Variants in ECT2 observed in about 807,000 individuals in gnomAD.
ECT2 encodes epithelial cell transforming 2.
In ECT2, 61 loss-of-function variants were observed where a neutral mutation model predicts 116.9. The observed-to-expected ratio is 0.52, with a 90% CI of 0.42 to 0.65. The LOEUF is 0.65. Among genes scored for constraint, ECT2 ranks in the 30% least tolerant of loss-of-function variants. ECT2 has a pLI of 0.00. For synonymous variants in ECT2, 358 were observed against 346.4 expected (o/e 1.03, Z -0.37); for missense variants, 937 against 1,078.7 (o/e 0.87, Z 1.84).
intron 18 of ECT2, among the ~76,000 whole-genome samples, chr3:172,791,420 G>T (rs1476155768): frequency 1.3e-5 from 2 of 152,154 alleles, no homozygotes; most frequent in Admixed American, 1.3e-4. Flanking sequence ...TCTACTGGAA[G>T]GCTGTTTTGT....
At chr3:172,806,306 G>A (rs1166278270) in intron 21 of ECT2, among the ~76,000 whole-genome samples, 1 of 152,178 alleles carries the variant, frequency 6.6e-6, no homozygotes. Flanking sequence ...AGGAATAGAT[G>A]TGGGTGCAAT....
chr3:172,757,864 T>C lies in ECT2; in HGVS notation c.486+699T>C, dbSNP rs80341345. 6.3e-3 allele frequency among the ~76,000 whole-genome samples: 965 copies of C among 152,194 alleles called. 9 individuals are homozygous for C. Among genetic ancestry groups the C allele is most frequent in the African/African-American group, 0.021 (892 of 41,548 alleles). ...TTATCAGTTACTGTATAACTTAAAA[T>C]TCAAAAATTATTTTAGCTTTTTGTA... is the stretch of plus-strand genomic sequence containing the variant. On this transcript the variant is annotated intron_variant, in intron 5 of 24. Coordinates refer to ENST00000392692, the MANE Select transcript of ECT2 (RefSeq NM_001258315.2).
At chr3:172,763,294 C>A (rs1179291258) in intron 11 of ECT2, among the ~76,000 whole-genome samples, 1 of 152,142 alleles carries the variant, frequency 6.6e-6, no homozygotes, top group African/African-American at 2.4e-5. Flanking sequence ...TGTGCCACAA[C>A]TGAGTAATGT....
rs1716792089 is a variant in ECT2, at chr3:172,755,478, C to T, written c.211-5C>T. ...TAACCTCATACTTAAGTCTCTTTTC[C>T]ACAGACTATTAAAATAATGGAAGTC... On this transcript the variant is annotated splice_region_variant and splice_polypyrimidine_tract_variant and intron_variant, in intron 3 of 24. Transcript: ENST00000392692. The T allele has an allele frequency of 6.7e-7, 1 of 1,497,134 alleles. No homozygotes were observed. Among genetic ancestry groups the T allele is most frequent in the African/African-American group, 1.4e-5 (1 of 70,398 alleles). The allele number at this position is 1,497,134 out of a possible 1,614,324, so 92.7% of individuals were successfully genotyped here.
Position 172,807,909 on chromosome 3 carries a change from T to G in ECT2, c.2385T>G (p.Ile795Met). ...TGTGTCGACATGTAGCTAACACCAT[T>G]TGTAAAGCAGATGCTGTAAGTTCTT... is the stretch of plus-strand genomic sequence containing the variant. Reference protein sequence around the residue: ...KMLCRHVANTICKADAENLIY... With the variant: ...KMLCRHVANTMCKADAENLIY... Residue 795 changes from isoleucine (I) to methionine (M), a missense_variant, in exon 22 of 25, where the codon ATT (isoleucine) becomes ATG (methionine). By Grantham distance (10) the Ile-to-Met change is conservative. Transcript: ENST00000392692. 1 of 1,613,206 alleles carries G rather than the reference T, an allele frequency of 6.2e-7. No individual in the cohort carries two copies. The highest frequency in any genetic ancestry group is 8.5e-7 in the Non-Finnish European group (1 of 1,179,566).
At chr3:172,782,319 G>A (rs1275985069) in intron 15 of ECT2, 88 bp downstream of exon 15, 64 of 652,782 alleles carry the variant, frequency 9.8e-5, no homozygotes, top group Non-Finnish European at 6.4e-5. Flanking sequence ...CTATTTAAAT[G>A]TGAGAGGTTT....
In ECT2 at chr3:172,820,242, T is replaced by G; in HGVS notation, c.*5T>G. 2 of 1,586,350 alleles carry G rather than the reference T, an allele frequency of 1.3e-6. No homozygotes were observed. Among genetic ancestry groups the G allele is most frequent in the Non-Finnish European group, 8.6e-7 (1 of 1,163,604 alleles). ...TCTACAACTCATTTGATATGAAGCG[T>G]TACCAAAATCTTAAATTATAGAAAT... is the stretch of plus-strand genomic sequence containing the variant. On this transcript the variant is annotated 3_prime_UTR_variant, in exon 25 of 25. Coordinates refer to ENST00000392692, the MANE Select transcript of ECT2 (RefSeq NM_001258315.2).
rs574658174 is a variant in ECT2, at chr3:172,772,342, G to A, written c.1429-1561G>A. 5.5e-4 allele frequency among the ~76,000 whole-genome samples: 83 copies of A among 152,144 alleles called. 1 individual carries two copies. The South Asian group carries it at 0.016, about 29-fold the overall frequency. ...CGAGTAGCTGGGACTACAGGCACCCGCCACCACGCCTGGCTAATTTTGTTT... is the reference window on the plus strand; with the variant it reads ...CGAGTAGCTGGGACTACAGGCACCCACCACCACGCCTGGCTAATTTTGTTT... On this transcript the variant is annotated intron_variant, in intron 13 of 24. Transcript: ENST00000392692.
At chr3:172,787,656 A>C (rs1723843760) in intron 18 of ECT2, among the ~76,000 whole-genome samples, 1 of 151,962 alleles carries the variant, frequency 6.6e-6, no homozygotes, top group Admixed American at 6.6e-5. Context: ...ATTCTCTGTA[A>C]TTTTTCAACA....
At position 172,783,806 on chromosome 3, in the gene ECT2, A is replaced by G. The variant is rs761111078; in HGVS notation, c.1625A>G (p.Asp542Gly). 1 of 1,590,428 alleles carries G rather than the reference A, an allele frequency of 6.3e-7. No individual in the cohort carries two copies. The highest frequency in any genetic ancestry group is 8.6e-7 in the Non-Finnish European group (1 of 1,162,816). ...TTTCCCTTTTCTTCCTAGTCAAAAG[A>G]TTTGGTAAAAACCTACCCTCCCTTT... ...IGDIFLKYSK[D>G]LVKTYPPFVN... The change falls in exon 16 of 25, where the codon GAT (aspartate) becomes GGT (glycine). Residue 542 changes from aspartate to glycine, a missense_variant. Physicochemically the swap from Asp to Gly is moderately conservative, Grantham distance 94 (BLOSUM62 -1). Transcript: ENST00000392692.
At chr3:172,807,503 A>G (rs959714524) in intron 21 of ECT2, among the ~76,000 whole-genome samples, 3 of 152,218 alleles carry the variant, frequency 2.0e-5, no homozygotes, top group African/African-American at 7.2e-5. Flanking sequence ...ATCATAGAAA[A>G]TATTAAATGA....
intron 1 of ECT2, among the ~76,000 whole-genome samples, chr3:172,753,714 T>A (rs1716391569): frequency 6.6e-6 from 1 of 152,198 alleles, no homozygotes; most frequent in South Asian, 2.1e-4. Context: ...ATGTAAATTA[T>A]GATTTGTGCC....
chr3:172,793,537 C>T (rs1725062912), intron 18 of ECT2, among the ~76,000 whole-genome samples: 1 of 152,090 alleles, frequency 6.6e-6, no homozygotes, highest in Non-Finnish European at 1.5e-5. Context: ...GATCTCTGCT[C>T]ACTGCAACCT....
intron 18 of ECT2, among the ~76,000 whole-genome samples, chr3:172,788,510 CTT>C (rs1169763257): frequency 2.6e-5 from 4 of 152,156 alleles, no homozygotes; most frequent in Admixed American, 6.5e-5. Context: ...TTGGTAATCT[CTT>C]TTTCTGGCCC....
chr3:172,809,599 GCA>G (rs796162646), intron 22 of ECT2, among the ~76,000 whole-genome samples: 32 of 126,490 alleles, frequency 2.5e-4, no homozygotes, highest in South Asian at 1.5e-3. Flanking sequence ...ACACACACAC[GCA>G]CACACACACG....
chr3:172,779,829 G>A (rs954437107), intron 14 of ECT2, among the ~76,000 whole-genome samples: 1 of 151,624 alleles, frequency 6.6e-6, no homozygotes, highest in Non-Finnish European at 1.5e-5. Flanking sequence ...TTGAGCTTGG[G>A]TGGTTGAGGC....
chr3:172,813,489 G>A (rs534652555), intron 22 of ECT2, among the ~76,000 whole-genome samples: 4 of 152,106 alleles, frequency 2.6e-5, no homozygotes, highest in African/African-American at 7.2e-5. Flanking sequence ...TACCGCTAGT[G>A]TTCTAGTATA....
chr3:172,795,211 C>T (rs116117628), intron 18 of ECT2, among the ~76,000 whole-genome samples: 5,073 of 151,564 alleles, frequency 0.033, 113 homozygotes, highest in Middle Eastern at 0.075. Context: ...GCCTGTAGTT[C>T]CAGCTACTCA....
Position 172,755,548 on chromosome 3 carries a change from A to G in ECT2, c.276A>G (p.Glu92=). Residue 92 remains glutamate (E), a synonymous_variant, in exon 4 of 25, where the codon GAA becomes GAG. Transcript: ENST00000392692. The part of the protein sequence containing the change: ...IKESCPGKSD[E]KLIKSVINMD... The stretch of plus-strand genomic sequence containing the variant: ...AAAGTTGTCCTGGAAAATCGGATGA[A>G]AAATTAATAAAAAGTGTTATTAATA... 1 of 1,475,332 alleles carries G rather than the reference A, an allele frequency of 6.8e-7. No individual in the cohort carries two copies. The allele number at this position is 1,475,332 out of a possible 1,614,324, so 91.4% of individuals were successfully genotyped here.
Sources: gnomAD v4.1 joint callset for allele counts (sites outside exome capture counted in the v4.1 genomes callset) on GRCh38, gnomAD v4.1.1 for gene constraint, MANE v1.5 for transcripts, NCBI Gene and HGNC (gene_info 2026-07-23, HGNC 2026-07-21) for gene names.